MAP7D2: variants seen among roughly 807,000 people sequenced by gnomAD.
MAP7D2 encodes MAP7 domain containing 2.
A neutral mutation model predicts 63.5 loss-of-function variants in MAP7D2; 33 were observed. The observed-to-expected ratio is 0.52, with a 90% CI of 0.39 to 0.70. The LOEUF is 0.70. Ranked by LOEUF, MAP7D2 falls within the 30% of genes least tolerant of loss-of-function variation. The pLI, the probability that MAP7D2 is intolerant of heterozygous loss-of-function variation, is 0.00. For missense variants in MAP7D2, 626 were observed against 604.0 expected (o/e 1.04, Z -0.38); for synonymous variants, 224 against 223.7 (o/e 1.00, Z -0.01).
At chrX:20,027,422 A>C (rs1405805797) in intron 8 of MAP7D2, among the ~76,000 whole-genome samples, 1 of 111,639 alleles carries the variant, frequency 9.0e-6, no homozygotes, top group Non-Finnish European at 1.9e-5. Flanking sequence ...CTGCCCCGCC[A>C]TACATATACG....
intron 1 of MAP7D2, among the ~76,000 whole-genome samples, chrX:20,089,070 C>T (rs1024314665): frequency 8.9e-6 from 1 of 111,864 alleles, no homozygotes; most frequent in Non-Finnish European, 1.9e-5. Flanking sequence ...TGTGAGCCAC[C>T]GTGCTCGGCC....
rs762039645 is a variant in MAP7D2, at chrX:20,023,368, G to C, written c.1412+1583C>G. Among the ~76,000 whole-genome samples, 43 of 112,576 alleles carry C rather than the reference G, an allele frequency of 3.8e-4. No individual in the cohort carries two copies. The South Asian group carries it at 0.016, about 41-fold the overall frequency. ...TTCGGGAGAGCTTGTTGGGAGAGAA[G>C]CTGGTCCAGGACTAAGGGCTGAAAG... On this transcript the variant is annotated intron_variant, in intron 10 of 16. Transcript: ENST00000379643.
At chrX:20,043,706 G>C (rs999994962) in intron 7 of MAP7D2, among the ~76,000 whole-genome samples, 4 of 112,446 alleles carry the variant, frequency 3.6e-5, no homozygotes, top group Admixed American at 9.4e-5. Flanking sequence ...AAGCTGCCAA[G>C]GTTTGAGGTG....
chrX:20,056,390 C>G (rs1435390431), intron 4 of MAP7D2, among the ~76,000 whole-genome samples: 4 of 111,815 alleles, frequency 3.6e-5, no homozygotes, highest in African/African-American at 1.3e-4. Flanking sequence ...GCCAGCTGGG[C>G]CCAGCTCACT....
At chrX:20,073,055 C>CA (rs1173835506) in intron 1 of MAP7D2, among the ~76,000 whole-genome samples, 1 of 110,648 alleles carries the variant, frequency 9.0e-6, no homozygotes, top group East Asian at 2.8e-4. Context: ...CCCCCCACCC[C>CA]AAAAAAAGCA....
At chrX:20,115,855 G>GT (rs2066877895) in intron 1 of MAP7D2, among the ~76,000 whole-genome samples, 1 of 112,243 alleles carries the variant, frequency 8.9e-6, no homozygotes, top group African/African-American at 3.2e-5. Context: ...AATAAAAAAT[G>GT]TTTTAAAAAT....
At chrX:20,110,721 T>C (rs1251196599) in intron 1 of MAP7D2, among the ~76,000 whole-genome samples, 7 of 106,894 alleles carry the variant, frequency 6.5e-5, no homozygotes, top group African/African-American at 2.4e-4. Context: ...ACGCAAATAC[T>C]ATACCATTTT....
intron 8 of MAP7D2, among the ~76,000 whole-genome samples, chrX:20,037,047 T>A (rs2064514169): frequency 1.8e-5 from 2 of 110,375 alleles, no homozygotes; most frequent in Non-Finnish European, 3.8e-5. Context: ...ATTCTGTTCC[T>A]CTAGAACTAC....
At chrX:20,072,920 G>A (rs900969339) in intron 1 of MAP7D2, among the ~76,000 whole-genome samples, 1 of 112,156 alleles carries the variant, frequency 8.9e-6, no homozygotes, top group African/African-American at 3.2e-5. Flanking sequence ...AAATGTGATG[G>A]TATTTTAGGC....
At chrX:20,094,205 T>C (rs1157736977) in intron 1 of MAP7D2, among the ~76,000 whole-genome samples, 1 of 108,303 alleles carries the variant, frequency 9.2e-6, no homozygotes, top group Admixed American at 1.0e-4. Context: ...GGAACAGAAG[T>C]AGTTCCCTGC....
intron 8 of MAP7D2, among the ~76,000 whole-genome samples, chrX:20,035,752 C>A (rs1038482693): frequency 7.3e-5 from 8 of 109,377 alleles, no homozygotes; most frequent in Non-Finnish European, 1.3e-4. Flanking sequence ...AACAAAAAAA[C>A]CCCACAAAAA....
chrX:20,098,436 C>T (rs1370102088), intron 1 of MAP7D2, among the ~76,000 whole-genome samples: 1 of 112,047 alleles, frequency 8.9e-6, no homozygotes, highest in African/African-American at 3.2e-5. Flanking sequence ...AAAAGTTACA[C>T]CAGGAGGGTT....
intron 4 of MAP7D2, chrX:20,055,912 G>A: frequency 2.3e-6 from 1 of 443,313 alleles, no homozygotes; most frequent in South Asian, 2.9e-5. Flanking sequence ...TTCTAATTAG[G>A]AAATTAGAAA....
chrX:20,016,423 AAC>A, intron 10 of MAP7D2, 98 bp from the exon 11 acceptor site: 16 of 685,903 alleles, frequency 2.3e-5, no homozygotes, highest in Non-Finnish European at 3.4e-5. Context: ...TCCACATGGT[AAC>A]ACACACACAT....
intron 1 of MAP7D2, among the ~76,000 whole-genome samples, chrX:20,068,088 A>G (rs911872319): frequency 4.5e-5 from 5 of 112,259 alleles, no homozygotes; most frequent in African/African-American, 1.6e-4. Flanking sequence ...TTTCTTTTTT[A>G]AATTCAGTTT....
chrX:20,100,262 G>A (rs2066393549), intron 1 of MAP7D2, among the ~76,000 whole-genome samples: 1 of 111,996 alleles, frequency 8.9e-6, no homozygotes, highest in African/African-American at 3.2e-5. Context: ...ACTGCCTGGG[G>A]TGGCAGCCTT....
intron 8 of MAP7D2, among the ~76,000 whole-genome samples, chrX:20,035,695 C>G (rs920050986): frequency 9.1e-6 from 1 of 109,767 alleles, no homozygotes; most frequent in Non-Finnish European, 1.9e-5. Context: ...TTGAGACCAT[C>G]CTGGCTAACA....
At chrX:20,014,674 T>C (rs2073323207) in intron 12 of MAP7D2, among the ~76,000 whole-genome samples, 1 of 111,849 alleles carries the variant, frequency 8.9e-6, no homozygotes, top group South Asian at 3.7e-4. Flanking sequence ...CTGACAGAAC[T>C]GAAAGGAAAA....
chrX:20,053,831 C>T (rs1366685789), intron 4 of MAP7D2, among the ~76,000 whole-genome samples: 1 of 112,037 alleles, frequency 8.9e-6, no homozygotes, highest in Non-Finnish European at 1.9e-5. Flanking sequence ...TTTCTGCTGA[C>T]CAAATGACAA....
Sources: allele counts gnomAD v4.1 joint callset (sites outside exome capture counted in the v4.1 genomes callset), GRCh38; gene constraint gnomAD v4.1.1; transcripts MANE v1.5; gene names NCBI Gene and HGNC (gene_info 2026-07-23, HGNC 2026-07-21).